Variants in L2HGDH observed in about 807,000 individuals in gnomAD.
The protein encoded by L2HGDH is L-2-hydroxyglutarate dehydrogenase.
Under a neutral mutation model 51.5 loss-of-function variants are expected in L2HGDH, and 34 were observed. That is an observed-to-expected ratio of 0.66 (90% CI 0.50 to 0.88). The LOEUF (loss-of-function observed/expected upper bound fraction) is 0.88. Ranked by LOEUF, L2HGDH falls within the 40% of genes least tolerant of loss-of-function variation. The pLI is 0.00. For synonymous variants in L2HGDH, 198 were observed against 197.9 expected, an observed-to-expected ratio of 1.00 and a Z score of -0.01; for missense variants, 558 against 571.9, an observed-to-expected ratio of 0.98 and a Z score of 0.25.
intron 1 of L2HGDH, among the ~76,000 whole-genome samples, chr14:50,309,333 C>T (rs765537163): frequency 1.3e-5 from 2 of 152,060 alleles, no homozygotes; most frequent in African/African-American, 4.8e-5. Flanking sequence ...GAGGCTGAGG[C>T]GGGTGGATCA....
chr14:50,283,876 A>C lies in L2HGDH; in HGVS notation c.698T>G (p.Ile233Arg). 6.2e-7 allele frequency: 1 copy of C among 1,613,864 alleles called. No individual in the cohort carries two copies. The highest frequency in any genetic ancestry group is 2.2e-5 in the East Asian group (1 of 44,864). Reference sequence around the variant, plus strand: ...AAAAGACAAGGATGGCTTACCATCTATACTTCTTGAAGGACTTTCTTTAGC... The same window carrying C: ...AAAAGACAAGGATGGCTTACCATCTCTACTTCTTGAAGGACTTTCTTTAGC... ...EMAKESPSRSIDGMQYPIVIK... is the reference protein window; with the variant it reads ...EMAKESPSRSRDGMQYPIVIK... The change falls in exon 5 of 10, where the codon ATA becomes AGA. Residue 233 changes from isoleucine to arginine, a missense_variant. Coordinates refer to ENST00000267436, the MANE Select transcript of L2HGDH (RefSeq NM_024884.3).
At chr14:50,264,347 C>G (rs1476529191) in intron 9 of L2HGDH, among the ~76,000 whole-genome samples, 1 of 152,052 alleles carries the variant, frequency 6.6e-6, no homozygotes, top group Admixed American at 6.6e-5. Flanking sequence ...CATTGCACTC[C>G]AGCCTGGACA....
chr14:50,299,371 T>C (rs936653194), intron 3 of L2HGDH, among the ~76,000 whole-genome samples: 5 of 152,178 alleles, frequency 3.3e-5, no homozygotes, highest in Non-Finnish European at 7.3e-5. Flanking sequence ...CCTGATGGCT[T>C]CACTGCTAAA....
intron 1 of L2HGDH, chr14:50,311,541 G>A: frequency 2.2e-6 from 1 of 447,878 alleles, no homozygotes. Flanking sequence ...GCCTCCGACG[G>A]GGGCAACACT....
At chr14:50,266,395 C>A (rs542646994) in intron 8 of L2HGDH, among the ~76,000 whole-genome samples, 1 of 152,158 alleles carries the variant, frequency 6.6e-6, no homozygotes, top group Non-Finnish European at 1.5e-5. Flanking sequence ...GTAATCCCAG[C>A]ACTTTGGGAG....
intron 5 of L2HGDH, among the ~76,000 whole-genome samples, chr14:50,280,211 G>C (rs1890191558): frequency 6.6e-6 from 1 of 150,704 alleles, no homozygotes; most frequent in African/African-American, 2.4e-5. Flanking sequence ...GCCCAGGCTG[G>C]AGTGCAGTGC....
chr14:50,294,249 TC>T lies in L2HGDH; in HGVS notation c.409-4del. 2 of 1,593,964 alleles carry T rather than the reference TC, an allele frequency of 1.3e-6. No individual in the cohort carries two copies. The highest frequency in any genetic ancestry group is 1.8e-5 in the Admixed American group (1 of 55,588). ...TCTTGTTCAACAGCTACTATAAGCT[TC>T]AAAAAAAAAAAGGTAAGGAGCATGG... On this transcript the variant is annotated splice_polypyrimidine_tract_variant and splice_region_variant and intron_variant, in intron 3 of 9. Coordinates refer to ENST00000267436, the MANE Select transcript of L2HGDH (RefSeq NM_024884.3).
intron 9 of L2HGDH, among the ~76,000 whole-genome samples, chr14:50,256,370 G>A (rs1273693398): frequency 1.3e-5 from 2 of 151,866 alleles, no homozygotes; most frequent in Admixed American, 6.6e-5. Context: ...TAACTAGGCA[G>A]GTGTGGTGGC....
chr14:50,280,738 T>C (rs954724822), intron 5 of L2HGDH, among the ~76,000 whole-genome samples: 2 of 152,044 alleles, frequency 1.3e-5, no homozygotes, highest in Non-Finnish European at 2.9e-5. Flanking sequence ...GGTCTTGAAC[T>C]CCTGAGCTCA....
intron 3 of L2HGDH, among the ~76,000 whole-genome samples, chr14:50,298,159 G>A (rs1352916399): frequency 6.7e-6 from 1 of 150,180 alleles, no homozygotes; most frequent in African/African-American, 2.5e-5. Context: ...CTGGAGAATT[G>A]CTTGAACCCA....
At chr14:50,282,299 C>T (rs1342606060) in intron 5 of L2HGDH, 1 of 375,774 alleles carries the variant, frequency 2.7e-6, no homozygotes, top group East Asian at 7.2e-5. Flanking sequence ...ATTAAGAAAC[C>T]CTTTCCTAGA....
In L2HGDH at chr14:50,242,818, A is replaced by G. The variant is rs921760269; in HGVS notation, c.*4240T>C. 6 of 985,328 alleles carry G rather than the reference A, an allele frequency of 6.1e-6. No individual in the cohort carries two copies. In the Admixed American group the frequency reaches 3.7e-4, roughly 61 times the overall value. The allele number at this position is 985,328 out of a possible 1,614,324, so 61.0% of individuals were successfully genotyped here. A position where few individuals can be genotyped will look rare whatever the true frequency, so the allele number is the denominator to read the frequency against. On this transcript the variant is annotated 3_prime_UTR_variant, in exon 10 of 10. Coordinates refer to ENST00000267436, the MANE Select transcript of L2HGDH (RefSeq NM_024884.3). ...TCTTTAGATAATAGTGTATGCGCAGAAAGATGAGGAAACCTCTGACCAAGA... is the reference window on the plus strand; with the variant it reads ...TCTTTAGATAATAGTGTATGCGCAGGAAGATGAGGAAACCTCTGACCAAGA...
At chr14:50,272,834 C>G (rs1042515172) in intron 6 of L2HGDH, among the ~76,000 whole-genome samples, 6 of 152,170 alleles carry the variant, frequency 3.9e-5, no homozygotes, top group African/African-American at 1.4e-4. Context: ...TATCAACCTG[C>G]CTCTATAGAC....
intron 9 of L2HGDH, among the ~76,000 whole-genome samples, chr14:50,255,499 G>T (rs1170983790): frequency 7.1e-6 from 1 of 140,132 alleles, no homozygotes; most frequent in Non-Finnish European, 1.5e-5. Context: ...TTGAGCCATT[G>T]CACTCCAGCC....
At chr14:50,249,202 C>G (rs1357696821) in intron 9 of L2HGDH, among the ~76,000 whole-genome samples, 1 of 152,196 alleles carries the variant, frequency 6.6e-6, no homozygotes, top group Admixed American at 6.5e-5. Flanking sequence ...CTGAAAAGCT[C>G]TGGGGTCCTA....
intron 6 of L2HGDH, among the ~76,000 whole-genome samples, chr14:50,269,707 G>A (rs1889556499): frequency 6.6e-6 from 1 of 152,080 alleles, no homozygotes; most frequent in South Asian, 2.1e-4. Flanking sequence ...ATGTCATTTA[G>A]ACAGCCTCCA....
At chr14:50,271,421 A>G (rs1674201735) in intron 6 of L2HGDH, among the ~76,000 whole-genome samples, 1 of 152,238 alleles carries the variant, frequency 6.6e-6, no homozygotes, top group Non-Finnish European at 1.5e-5. Flanking sequence ...AAATTATCAA[A>G]AACTATCACA....
At position 50,265,456 on chromosome 14, in the gene L2HGDH, G is replaced by A. The variant is rs963222057; in HGVS notation, c.1098C>T (p.Ser366=). 5.6e-6 allele frequency: 9 copies of A among 1,613,244 alleles called. No homozygotes were observed. The highest frequency in any genetic ancestry group is 7.6e-6 in the Non-Finnish European group (9 of 1,179,504). Residue 366 remains serine, a synonymous_variant, in exon 9 of 10, where the codon TCC becomes TCT. Coordinates refer to ENST00000267436, the MANE Select transcript of L2HGDH (RefSeq NM_024884.3). The stretch of plus-strand genomic sequence containing the variant: ...CTTTATACATTTCAGTAACTCCATA[G>A]GAAAAATTCTGGGATGCCAGTTTAA... The part of the protein sequence containing the change: ...GLIKLASQNF[S]YGVTEMYKAC...
Position 50,302,130 on chromosome 14 carries a change from T to C in L2HGDH, c.295A>G (p.Ser99Gly), listed in dbSNP as rs1389086159. Residue 99 changes from serine (S) to glycine (G), a missense_variant, in exon 3 of 10, where the codon AGT becomes GGT. Transcript: ENST00000267436. Reference protein sequence around the residue: ...QTGHNSGVIHSGIYYKPESLK... With the variant: ...QTGHNSGVIHGGIYYKPESLK... ...GACTCAGGTTTATAATAAATTCCAC[T>C]ATGTATGACACCACTGTTATGTCCA... The C allele has an allele frequency of 1.9e-6, 3 of 1,614,118 alleles. No homozygotes were observed. Among genetic ancestry groups the C allele is most frequent in the South Asian group, 2.2e-5 (2 of 91,090 alleles).
Sources: allele counts gnomAD v4.1 joint callset (sites outside exome capture counted in the v4.1 genomes callset), GRCh38; gene constraint gnomAD v4.1.1; transcripts MANE v1.5; gene names NCBI Gene and HGNC (gene_info 2026-07-23, HGNC 2026-07-21).